SASH3: variants seen among roughly 807,000 people sequenced by gnomAD.
SASH3 encodes SAM and SH3 domain containing 3.
Under a neutral mutation model 26.1 loss-of-function variants are expected in SASH3, and 7 were observed. The ratio of observed to expected loss-of-function variants is 0.27; its 90% confidence interval spans 0.15 to 0.50. The LOEUF is 0.50. SASH3 is among the 20% of genes least tolerant of loss of function. The pLI is 0.98. For missense variants in SASH3, 231 were observed against 318.3 expected (o/e 0.73, Z 2.09); for synonymous variants, 138 against 136.8 (o/e 1.01, Z -0.06).
chrX:129,792,773 G>A lies in SASH3; in HGVS notation c.738G>A (p.Gln246=). Residue 246 remains glutamine, a synonymous_variant, in exon 6 of 8, where the codon CAG becomes CAA. Transcript: ENST00000356892. ...GGCATGCCCGCCCCAGCCGCCGACA[G>A]AGCAAGGGCAAGAGGCCCAAGCCTA... The part of the protein sequence containing the change: ...AVGHARPSRR[Q]SKGKRPKPKT... The A allele has an allele frequency of 8.3e-7, 1 of 1,206,944 alleles. No individual in the cohort carries two copies. Among genetic ancestry groups the A allele is most frequent in the Non-Finnish European group, 1.1e-6 (1 of 894,376 alleles).
In SASH3 at chrX:129,787,965, C is replaced by G. The variant is rs781095398; in HGVS notation, c.58-10C>G. ...TAGCCCACTGATTGCAACACCCACC[C>G]TTTTTCCAGCTCTCCCTTCAGCGCT... On this transcript the variant is annotated splice_polypyrimidine_tract_variant and intron_variant, in intron 1 of 7. Coordinates refer to ENST00000356892, the MANE Select transcript of SASH3 (RefSeq NM_018990.4). 2 of 1,204,196 alleles carry G rather than the reference C, an allele frequency of 1.7e-6. No homozygotes were observed. Among genetic ancestry groups the G allele is most frequent in the Admixed American group, 4.4e-5 (2 of 45,903 alleles).
intron 1 of SASH3, among the ~76,000 whole-genome samples, chrX:129,786,785 G>A (rs1019316400): frequency 7.3e-5 from 8 of 109,916 alleles, no homozygotes; most frequent in African/African-American, 2.3e-4. Context: ...CGCGAGGTCA[G>A]GAGATCAAGG....
rs144245163 is a variant in SASH3 at position 129,793,706 on chromosome X, G to A, written c.1017G>A (p.Ser339=). ...SSQEPVAHTV[S]EPKVDIPRDS... ...AGGAGCCAGTGGCACACACAGTGTC[G>A]GAACCCAAGGTGGACATCCCGCGCG... The change falls in exon 8 of 8, where the codon TCG becomes TCA. Residue 339 remains serine, a synonymous_variant. Coordinates refer to ENST00000356892, the MANE Select transcript of SASH3 (RefSeq NM_018990.4). 52 of 1,211,050 alleles carry A rather than the reference G, an allele frequency of 4.3e-5. No homozygotes were observed. In the Admixed American group the frequency reaches 5.7e-4, roughly 13 times the overall value.
chrX:129,791,601 T>C (rs1316428540), intron 4 of SASH3, among the ~76,000 whole-genome samples: 3 of 112,121 alleles, frequency 2.7e-5, no homozygotes, highest in Non-Finnish European at 5.6e-5. Context: ...TAGAAGTCCA[T>C]GGGACAGGAC....
At chrX:129,780,945 G>A (rs713453) in intron 1 of SASH3, among the ~76,000 whole-genome samples, 10,112 of 112,196 alleles carry the variant, frequency 0.09, 875 homozygotes, top group African/African-American at 0.27. Context: ...AGACCGGACT[G>A]GAAGAATCCT....
At chrX:129,788,137 G>GGGGCTGGT in intron 2 of SASH3, 67 bp downstream of exon 2, 2 of 354,268 alleles carry the variant, frequency 5.6e-6, no homozygotes, top group Non-Finnish European at 1.1e-5. Flanking sequence ...GGGTGGGAGG[G>GGGGCTGGT]AAGAGGGTGA....
chrX:129,783,399 A>G (rs1340380861), intron 1 of SASH3, among the ~76,000 whole-genome samples: 1 of 111,614 alleles, frequency 9.0e-6, no homozygotes, highest in Non-Finnish European at 1.9e-5. Flanking sequence ...GCATGCCATC[A>G]CCACTACACT....
rs41300283 is a variant in SASH3, at chrX:129,795,069, C to T, written c.*1237C>T. The T allele has an allele frequency of 0.02, 2,181 of 111,233 alleles. 30 individuals carry two copies. Among genetic ancestry groups the T allele is most frequent in the Middle Eastern group, 0.051 (11 of 216 alleles). The allele number at this position is 111,233 out of a possible 1,213,427, so 9.2% of individuals were successfully genotyped here. A position where few individuals can be genotyped will look rare whatever the true frequency, so the allele number is the denominator to read the frequency against. ...CAGCGTCCACTACATCTAGGACTGCCGGCTAAGTGGACACACTTCTTGACC... is the reference window on the plus strand; with the variant it reads ...CAGCGTCCACTACATCTAGGACTGCTGGCTAAGTGGACACACTTCTTGACC... On this transcript the variant is annotated 3_prime_UTR_variant, in exon 8 of 8. Coordinates refer to ENST00000356892, the MANE Select transcript of SASH3 (RefSeq NM_018990.4).
At position 129,788,616 on chromosome X, in the gene SASH3, G is replaced by A. The variant is rs2231129; in HGVS notation, c.300+39G>A. On this transcript the variant is annotated intron_variant, in intron 3 of 7. Coordinates refer to ENST00000356892, the MANE Select transcript of SASH3 (RefSeq NM_018990.4). Reference sequence around the variant, plus strand: ...ATATAGGGGATGGGGTGTCCAGGGGGCCTGGGGACCGCTCTGGCAGAATGT... The same window carrying A: ...ATATAGGGGATGGGGTGTCCAGGGGACCTGGGGACCGCTCTGGCAGAATGT... 4,374 of 1,172,137 alleles carry A rather than the reference G, an allele frequency of 3.7e-3. 90 individuals are homozygous for A. The African/African-American group carries it at 0.066, about 18-fold the overall frequency.
intron 1 of SASH3, among the ~76,000 whole-genome samples, chrX:129,783,025 T>C (rs1182834170): frequency 9.0e-6 from 1 of 111,686 alleles, no homozygotes; most frequent in East Asian, 2.8e-4. Context: ...GCTCCTACTC[T>C]ACCACATCCC....
intron 4 of SASH3, among the ~76,000 whole-genome samples, 182 bp from the exon 5 acceptor site, chrX:129,792,146 G>A (rs1927241932): frequency 8.9e-6 from 1 of 112,026 alleles, no homozygotes; most frequent in Admixed American, 9.4e-5. Flanking sequence ...CCGTGCTCCT[G>A]GTCGGTAGCC....
Position 129,793,670 on chromosome X carries a change from C to T in SASH3, c.981C>T (p.Ala327=), listed in dbSNP as rs373543508. The T allele has an allele frequency of 1.2e-5, 15 of 1,210,608 alleles. No homozygotes were observed. In the East Asian group the frequency reaches 1.5e-4, roughly 12 times the overall value. Residue 327 remains alanine (A), a synonymous_variant, in exon 8 of 8, where the codon GCC becomes GCT. Transcript: ENST00000356892. ...GCAGTGAGGAGGCTGAAGAGGGCGC[C>T]GAGAGCAGCCAGGAGCCAGTGGCAC... ...DTGSEEAEEG[A]ESSQEPVAHT...
chrX:129,793,301 G>A (rs774965028), intron 7 of SASH3, among the ~76,000 whole-genome samples, 162 bp downstream of exon 7: 2 of 112,274 alleles, frequency 1.8e-5, no homozygotes, highest in East Asian at 2.8e-4. Context: ...GAAAGTGTAC[G>A]GGAGAAAGGA....
In SASH3 at chrX:129,789,167, G is replaced by GAAAGAAA. The variant is rs1569312723; in HGVS notation, c.300+593_300+594insGAAAAAA. ...AAAGAAAGAAAGAAAGAAAGAAAGAGAAAAAAAAAAAAAAGAAAAGTCTGG... is the reference window on the plus strand; with the variant it reads ...AAAGAAAGAAAGAAAGAAAGAAAGAGAAAGAAAAAAAAAAAAAAAAAGAAAAGTCTGG... On this transcript the variant is annotated intron_variant, in intron 3 of 7. Coordinates refer to ENST00000356892, the MANE Select transcript of SASH3 (RefSeq NM_018990.4). Among the ~76,000 whole-genome samples the GAAAGAAA allele has an allele frequency of 3.6e-4, 5 of 13,799 alleles. No individual in the cohort carries two copies. The East Asian group carries it at 6.7e-3, about 19-fold the overall frequency. 12.0% of individuals were successfully genotyped at this position (13,799 alleles called of 115,157 possible).
intron 7 of SASH3, 39 bp downstream of exon 7, chrX:129,793,178 C>A: frequency 8.3e-7 from 1 of 1,203,556 alleles, no homozygotes; most frequent in South Asian, 1.8e-5. Flanking sequence ...GGGTGTGTGC[C>A]CACCGGCATT....
At chrX:129,789,853 A>G (rs1320020512) in intron 3 of SASH3, among the ~76,000 whole-genome samples, 2 of 112,082 alleles carry the variant, frequency 1.8e-5, no homozygotes, top group Admixed American at 1.9e-4. Context: ...AGTTGGTCAA[A>G]CTGTCAAAAA....
chrX:129,793,815 C>T lies in SASH3; in HGVS notation c.1126C>T (p.Leu376=), dbSNP rs780790088. The T allele has an allele frequency of 8.4e-7, 1 of 1,187,473 alleles. No homozygotes were observed. The highest frequency in any genetic ancestry group is 2.4e-5 in the Admixed American group (1 of 42,383). ...TGAGGAGCAGCTGCAAGGCCTCTCC[C>T]TGGCCGGGGCACCTTGAGGTGGCGG... ...GTEEQLQGLS[L]AGAP is the part of the protein sequence containing the mutation. Residue 376 remains leucine, a synonymous_variant, in exon 8 of 8, where the codon CTG becomes TTG. Transcript: ENST00000356892.
rs1927263317 is a variant in SASH3 at position 129,793,141 on chromosome X, T to C, written c.952+2T>C. 8.3e-7 allele frequency: 1 copy of C among 1,209,690 alleles called. No individual in the cohort carries two copies. Among genetic ancestry groups the C allele is most frequent in the African/African-American group, 1.8e-5 (1 of 57,104 alleles). On this transcript the variant is annotated splice_donor_variant, in intron 7 of 7. Coordinates refer to ENST00000356892, the MANE Select transcript of SASH3 (RefSeq NM_018990.4). LOFTEE classifies it high-confidence loss of function. ...CCGAGCTGCTGCTGGACTATGACAG[T>C]GAGTGGCTTTAGGAGCGGCCTGGTG... is the stretch of plus-strand genomic sequence containing the variant.
chrX:129,789,168 A>AGAG (rs201702658), intron 3 of SASH3, among the ~76,000 whole-genome samples: 36 of 52,285 alleles, frequency 6.9e-4, no homozygotes, highest in African/African-American at 3.4e-3. Context: ...AAAGAAAGAG[A>AGAG]AAAAAAAAAA....
Sources: allele counts gnomAD v4.1 joint callset (sites outside exome capture counted in the v4.1 genomes callset), GRCh38; gene constraint gnomAD v4.1.1; transcripts MANE v1.5; gene names NCBI Gene and HGNC (gene_info 2026-07-23, HGNC 2026-07-21).